Variants in LYPLAL1 observed in about 807,000 individuals in gnomAD.
LYPLAL1 encodes the protein lysophospholipase-like protein 1.
A neutral mutation model predicts 19.7 loss-of-function variants in LYPLAL1; 23 were observed. The ratio of observed to expected loss-of-function variants is 1.17; its 90% CI spans 0.84 to 1.65. The LOEUF (loss-of-function observed/expected upper bound fraction) is 1.65, where lower values mean the gene tolerates loss of function less well. LYPLAL1 is among the 40% of genes most tolerant of loss of function. LYPLAL1 has a pLI of 0.00. For missense variants in LYPLAL1, 355 were observed against 279.4 expected (o/e 1.27, Z -1.93); for synonymous variants, 119 against 96.3 (o/e 1.24, Z -1.38).
At chr1:219,300,918 C>T in the LYPLAL1 span, among the ~76,000 whole-genome samples, 2 of 151,948 alleles carry the variant, frequency 1.3e-5, no homozygotes, top group Non-Finnish European at 2.9e-5. Context: ...AGTTTGCTTC[C>T]TCTTTTCAAG....
At chr1:219,417,837 G>A in the LYPLAL1 span, among the ~76,000 whole-genome samples, 5 of 152,230 alleles carry the variant, frequency 3.3e-5, no homozygotes, top group African/African-American at 1.2e-4. Context: ...TCATCCCTCT[G>A]GGCCTTGCCC....
At chr1:219,338,038 G>A in the LYPLAL1 span, among the ~76,000 whole-genome samples, 1 of 151,916 alleles carries the variant, frequency 6.6e-6, no homozygotes, top group African/African-American at 2.4e-5. Context: ...TTTGGTAATA[G>A]TTCACCTAAA....
the LYPLAL1 span, among the ~76,000 whole-genome samples, chr1:219,379,277 A>G: frequency 1.1e-4 from 16 of 152,210 alleles, no homozygotes; most frequent in South Asian, 2.1e-4. Context: ...ATACAAAGGC[A>G]TAACCCAAGA....
chr1:219,191,904 C>T (rs1180879580), intron 2 of LYPLAL1, among the ~76,000 whole-genome samples: 1 of 151,166 alleles, frequency 6.6e-6, no homozygotes, highest in African/African-American at 2.4e-5. Context: ...TAAAAGATCC[C>T]CGTATATGAA....
chr1:219,242,498 A>T, the LYPLAL1 span, among the ~76,000 whole-genome samples: 1 of 152,140 alleles, frequency 6.6e-6, no homozygotes, highest in Non-Finnish European at 1.5e-5. Context: ...AGAGACCTTT[A>T]CAATGCCTGC....
At chr1:219,257,280 C>A in the LYPLAL1 span, among the ~76,000 whole-genome samples, 1 of 151,052 alleles carries the variant, frequency 6.6e-6, no homozygotes, top group Non-Finnish European at 1.5e-5. Flanking sequence ...TGATTCATTA[C>A]CTTTTTAGCA....
At chr1:219,243,586 AAGG>A in the LYPLAL1 span, among the ~76,000 whole-genome samples, 1 of 152,088 alleles carries the variant, frequency 6.6e-6, no homozygotes, top group African/African-American at 2.4e-5. Context: ...GGAAAGGGAA[AAGG>A]AGGTGTGCCC....
At chr1:219,290,795 C>T in the LYPLAL1 span, among the ~76,000 whole-genome samples, 30 of 152,316 alleles carry the variant, frequency 2.0e-4, no homozygotes, top group East Asian at 4.2e-3. Context: ...GGACCCCTAA[C>T]ATAACTTGTG....
the LYPLAL1 span, among the ~76,000 whole-genome samples, chr1:219,369,184 G>T: frequency 6.6e-6 from 1 of 152,212 alleles, no homozygotes; most frequent in Admixed American, 6.5e-5. Flanking sequence ...CTTATAAATT[G>T]TCACATCAGC....
chr1:219,244,485 A>G, the LYPLAL1 span, among the ~76,000 whole-genome samples: 1 of 152,156 alleles, frequency 6.6e-6, no homozygotes, highest in Non-Finnish European at 1.5e-5. Context: ...CTAATAGGAG[A>G]CAGGTGTCGG....
At chr1:219,257,797 T>C in the LYPLAL1 span, among the ~76,000 whole-genome samples, 47 of 152,172 alleles carry the variant, frequency 3.1e-4, no homozygotes, top group African/African-American at 1.1e-3. Context: ...AGCAGAGAAC[T>C]GGTCTGATCT....
chr1:219,237,143 A>G, the LYPLAL1 span, among the ~76,000 whole-genome samples: 1 of 152,234 alleles, frequency 6.6e-6, no homozygotes, highest in Non-Finnish European at 1.5e-5. Context: ...ACAAATGAAT[A>G]TGCACACTCA....
At chr1:219,303,493 G>C in the LYPLAL1 span, among the ~76,000 whole-genome samples, 4 of 152,238 alleles carry the variant, frequency 2.6e-5, no homozygotes, top group Non-Finnish European at 4.4e-5. Flanking sequence ...ATGATCTGCA[G>C]CAGGCAATTG....
the LYPLAL1 span, among the ~76,000 whole-genome samples, chr1:219,408,539 A>AT: frequency 6.6e-6 from 1 of 152,128 alleles, no homozygotes; most frequent in Non-Finnish European, 1.5e-5. Flanking sequence ...AAAGGTAATT[A>AT]ATAACTCAGT....
chr1:219,174,999 A>C, intron 1 of LYPLAL1: 2 of 985,454 alleles, frequency 2.0e-6, no homozygotes, highest in Non-Finnish European at 2.4e-6. Context: ...TTTCGAAGAA[A>C]GTGGTCTTTG....
chr1:219,441,574 T>C, the LYPLAL1 span, among the ~76,000 whole-genome samples: 2 of 152,156 alleles, frequency 1.3e-5, no homozygotes, highest in Non-Finnish European at 2.9e-5. Flanking sequence ...AGATATTGAA[T>C]AGCTAATAGA....
intron 3 of LYPLAL1, among the ~76,000 whole-genome samples, chr1:219,197,474 A>G (rs1657698133): frequency 6.6e-6 from 1 of 152,242 alleles, no homozygotes; most frequent in East Asian, 1.9e-4. Flanking sequence ...TACAAAAACT[A>G]ACTCAAGATG....
chr1:219,429,901 A>G, the LYPLAL1 span, among the ~76,000 whole-genome samples: 27 of 152,334 alleles, frequency 1.8e-4, no homozygotes, highest in Admixed American at 1.4e-3. Flanking sequence ...TTGGAAGCAC[A>G]GATCCTTAGA....
chr1:219,202,124 AATCC>A (rs2125093303), intron 3 of LYPLAL1, among the ~76,000 whole-genome samples: 1 of 152,332 alleles, frequency 6.6e-6, no homozygotes, highest in South Asian at 2.1e-4. Flanking sequence ...GCTGAGTTCT[AATCC>A]TATATTCCTC....
Sources: gnomAD v4.1 joint callset for allele counts (sites outside exome capture counted in the v4.1 genomes callset) on GRCh38, gnomAD v4.1.1 for gene constraint, MANE v1.5 for transcripts, NCBI Gene and HGNC (gene_info 2026-07-23, HGNC 2026-07-21) for gene names.